IBA57: variants seen among roughly 807,000 people sequenced by gnomAD.
IBA57 encodes the protein iron-sulfur cluster assembly factor IBA57.
A neutral mutation model predicts 20.4 loss-of-function variants in IBA57; 20 were observed. That is an observed-to-expected ratio of 0.98 (90% CI 0.69 to 1.42). IBA57 has a LOEUF of 1.42. Ranked by LOEUF, IBA57 falls within the 40% of genes most tolerant of loss-of-function variation. IBA57 has a pLI of 0.00. For missense variants in IBA57, 608 were observed against 499.3 expected (o/e 1.22, Z -2.07); for synonymous variants, 310 against 233.9 (o/e 1.33, Z -2.97).
At position 228,174,949 on chromosome 1, in the gene IBA57, C is replaced by T. The variant is rs149136930; in HGVS notation, c.599C>T (p.Thr200Ile). ...RTARMGWRLL[T>I]QDEGPALVPG... ...GCACGCATGGGGTGGCGGCTCCTCA[C>T]CCAGGATGAAGGCCCAGCCCTGGTG... The change falls in exon 2 of 3, where the codon ACC (threonine) becomes ATC (isoleucine). Residue 200 changes from threonine (T) to isoleucine (I), a missense_variant. Thr to Ile is a moderately conservative substitution (Grantham distance 89). Coordinates refer to ENST00000366711, the MANE Select transcript of IBA57 (RefSeq NM_001010867.4). The T allele has an allele frequency of 8.5e-4, 1,341 of 1,573,212 alleles. 2 individuals carry two copies. The highest frequency in any genetic ancestry group is 1.1e-3 in the Non-Finnish European group (1,261 of 1,156,412).
In IBA57 at chr1:228,175,433, C is replaced by G. The variant is rs761470174; in HGVS notation, c.991C>G (p.Leu331Val). ...LLWSEKIKGP[L>V]HIRASEGAQV... ...GTGGTCAGAGAAGATCAAGGGTCCT[C>G]TGCACATCAGAGCCTCTGAGGGTGC... The change falls in exon 3 of 3, where the codon CTG becomes GTG. Residue 331 changes from leucine (L) to valine (V), a missense_variant. Coordinates refer to ENST00000366711, the MANE Select transcript of IBA57 (RefSeq NM_001010867.4). The G allele has an allele frequency of 6.2e-7, 1 of 1,612,216 alleles. No homozygotes were observed. The highest frequency in any genetic ancestry group is 8.5e-7 in the Non-Finnish European group (1 of 1,179,628).
Position 228,175,611 on chromosome 1 carries a change from A to G in IBA57, c.*98A>G, listed in dbSNP as rs887125341. The G allele has an allele frequency of 7.1e-7, 1 of 1,411,612 alleles. No homozygotes were observed. Among genetic ancestry groups the G allele is most frequent in the Non-Finnish European group, 9.4e-7 (1 of 1,065,480 alleles). The allele number at this position is 1,411,612 out of a possible 1,614,324, so 87.4% of individuals were successfully genotyped here. ...CCCGTCCCATCTGTCTGCTGCGCCTACTGGGTGGGAGCCCTGGTTTCCATC... is the reference window on the plus strand; with the variant it reads ...CCCGTCCCATCTGTCTGCTGCGCCTGCTGGGTGGGAGCCCTGGTTTCCATC... On this transcript the variant is annotated 3_prime_UTR_variant, in exon 3 of 3. Coordinates refer to ENST00000366711, the MANE Select transcript of IBA57 (RefSeq NM_001010867.4).
In IBA57 at chr1:228,180,380, C is replaced by T. The variant is rs2035090714; in HGVS notation, c.*4867C>T. On this transcript the variant is annotated 3_prime_UTR_variant, in exon 3 of 3. Transcript: ENST00000366711. Reference sequence around the variant, plus strand: ...AAAACACCACATCTAGAAGCTTCTACTTAGAATGCCTACTTTTGGAGTTTA... The same window carrying T: ...AAAACACCACATCTAGAAGCTTCTATTTAGAATGCCTACTTTTGGAGTTTA... The T allele has an allele frequency of 6.6e-6, 1 of 151,964 alleles. No homozygotes were observed. Among genetic ancestry groups the T allele is most frequent in the Non-Finnish European group, 1.5e-5 (1 of 67,996 alleles). The allele number at this position is 151,964 out of a possible 1,614,324, so 9.4% of individuals were successfully genotyped here. A position where few individuals can be genotyped will look rare whatever the true frequency, so the allele number is the denominator to read the frequency against.
chr1:228,176,421 G>A lies in IBA57; in HGVS notation c.*908G>A. ...TCTGGTTTCATTTGGGGGAGAGGGA[G>A]GTGGGGGCTTAGTTTTTGTGATCTG... On this transcript the variant is annotated 3_prime_UTR_variant, in exon 3 of 3. Transcript: ENST00000366711. 6.5e-6 allele frequency: 1 copy of A among 153,358 alleles called. No homozygotes were observed. The highest frequency in any genetic ancestry group is 1.5e-5 in the Non-Finnish European group (1 of 68,880). 9.5% of individuals were successfully genotyped at this position (153,358 alleles called of 1,614,324 possible). A position where few individuals can be genotyped will look rare whatever the true frequency, so the allele number is the denominator to read the frequency against.
Position 228,174,928 on chromosome 1 carries a change from G to A in IBA57, c.578G>A (p.Arg193His). 1.4e-5 allele frequency: 22 copies of A among 1,586,400 alleles called. No individual in the cohort carries two copies. The highest frequency in any genetic ancestry group is 1.9e-5 in the Non-Finnish European group (22 of 1,163,636). Reference sequence around the variant, plus strand: ...CTCATCCGCGACCCGCGAACAGCACGCATGGGGTGGCGGCTCCTCACCCAG... The same window carrying A: ...CTCATCCGCGACCCGCGAACAGCACACATGGGGTGGCGGCTCCTCACCCAG... ...AILIRDPRTARMGWRLLTQDE... is the reference protein window; with the variant it reads ...AILIRDPRTAHMGWRLLTQDE... Residue 193 changes from arginine to histidine, a missense_variant, in exon 2 of 3, where the codon CGC (arginine) becomes CAC (histidine). Arg to His is a conservative substitution (Grantham distance 29). Transcript: ENST00000366711.
rs2035008283 is a variant in IBA57 at position 228,175,714 on chromosome 1, C to T, written c.*201C>T. On this transcript the variant is annotated 3_prime_UTR_variant, in exon 3 of 3. Coordinates refer to ENST00000366711, the MANE Select transcript of IBA57 (RefSeq NM_001010867.4). Reference sequence around the variant, plus strand: ...CCCCAGGCACGTGGGTTGTTTTCTCCCTGGACTTCCTGTGGCCCCAGAGGA... The same window carrying T: ...CCCCAGGCACGTGGGTTGTTTTCTCTCTGGACTTCCTGTGGCCCCAGAGGA... 3.6e-6 allele frequency: 2 copies of T among 556,486 alleles called. No homozygotes were observed. Among genetic ancestry groups the T allele is most frequent in the Non-Finnish European group, 6.0e-6 (2 of 330,966 alleles). 34.5% of individuals were successfully genotyped at this position (556,486 alleles called of 1,614,324 possible).
In IBA57 at chr1:228,169,038, G is replaced by T. The variant is rs2034890287; in HGVS notation, c.341+2881G>T. On this transcript the variant is annotated intron_variant, in intron 1 of 2. Transcript: ENST00000366711. ...CCCCTCCCAGCTATGTGGCATGGGT[G>T]GGCTTAGGGCTGCGCTCGTTGGGCA... Among the ~76,000 whole-genome samples, 3 of 152,256 alleles carry T rather than the reference G, an allele frequency of 2.0e-5. No homozygotes were observed. The South Asian group carries it at 6.2e-4, about 32-fold the overall frequency.
At chr1:228,175,095 C>G in intron 2 of IBA57, 27 bp from the exon 3 acceptor site, 1 of 1,598,032 alleles carries the variant, frequency 6.3e-7, no homozygotes, top group East Asian at 2.2e-5. Flanking sequence ...TCAATTCTCG[C>G]TGGTTTCCCC....
Position 228,178,116 on chromosome 1 carries a change from C to G in IBA57, c.*2603C>G. ...TCTTACCCTCACACCTCCTGCCTCC[C>G]CTCGTTAGAGTCCCCCACATCCGCC... On this transcript the variant is annotated 3_prime_UTR_variant, in exon 3 of 3. Transcript: ENST00000366711. 6.6e-6 allele frequency: 1 copy of G among 152,200 alleles called. No individual in the cohort carries two copies. The allele number at this position is 152,200 out of a possible 1,614,324, so 9.4% of individuals were successfully genotyped here. A position where few individuals can be genotyped will look rare whatever the true frequency, so the allele number is the denominator to read the frequency against.
Position 228,174,819 on chromosome 1 carries a change from C to A in IBA57, c.469C>A (p.Leu157Met). The change falls in exon 2 of 3, where the codon CTG becomes ATG. Residue 157 changes from leucine (L) to methionine (M), a missense_variant. Physicochemically the swap from Leu to Met is conservative, Grantham distance 15. Coordinates refer to ENST00000366711, the MANE Select transcript of IBA57 (RefSeq NM_001010867.4). ...RKVTVEPHPE[L>M]RVWAVLPSSP... ...GGTCACGGTGGAGCCGCACCCGGAG[C>A]TGCGAGTGTGGGCGGTGTTGCCCAG... The A allele has an allele frequency of 3.7e-6, 6 of 1,610,646 alleles. No homozygotes were observed. Among genetic ancestry groups the A allele is most frequent in the Non-Finnish European group, 5.1e-6 (6 of 1,179,298 alleles).
In IBA57 at chr1:228,175,379, G is replaced by T; in HGVS notation, c.937G>T (p.Gly313Cys). The T allele has an allele frequency of 6.2e-7, 1 of 1,612,976 alleles. No homozygotes were observed. The highest frequency in any genetic ancestry group is 2.2e-5 in the East Asian group (1 of 44,886). Residue 313 changes from glycine to cysteine, a missense_variant, in exon 3 of 3, where the codon GGC (glycine) becomes TGC (cysteine). Gly to Cys is a radical substitution (Grantham distance 159). Coordinates refer to ENST00000366711, the MANE Select transcript of IBA57 (RefSeq NM_001010867.4). Reference sequence around the variant, plus strand: ...ACAGACTGTGGGCAAGTTCAGGGCTGGCCAGGGCAACGTGGGGCTGGCCCT... The same window carrying T: ...ACAGACTGTGGGCAAGTTCAGGGCTTGCCAGGGCAACGTGGGGCTGGCCCT... ...SGQTVGKFRA[G>C]QGNVGLALLW...
Position 228,166,062 on chromosome 1 carries a change from T to TCCTGCGGCCGCGGGGGCCCCG in IBA57, c.252_272dup (p.Ala86_Ala92dup). 1 of 1,537,598 alleles carries TCCTGCGGCCGCGGGGGCCCCG rather than the reference T, an allele frequency of 6.5e-7. No individual in the cohort carries two copies. The highest frequency in any genetic ancestry group is 1.4e-5 in the African/African-American group (1 of 71,886). On this transcript the variant is annotated inframe_insertion, in exon 1 of 3. Transcript: ENST00000366711. ...TGACCAATGAACTGCCGCTTCCGAG[T>TCCTGCGGCCGCGGGGGCCCCG]CCTGCGGCCGCGGGGGCCCCGCCTG...
chr1:228,174,995 C>A lies in IBA57; in HGVS notation c.645C>A (p.Asp215Glu). ...PALVPGGRLGDLWDYHQHRYL... is the reference protein window; with the variant it reads ...PALVPGGRLGELWDYHQHRYL... ...TGGTGCCCGGGGGCCGGCTCGGGGACTTGTGGGATTATCACCAGCACCGAT... is the reference window on the plus strand; with the variant it reads ...TGGTGCCCGGGGGCCGGCTCGGGGAATTGTGGGATTATCACCAGCACCGAT... Residue 215 changes from aspartate to glutamate, a missense_variant, in exon 2 of 3, where the codon GAC (aspartate) becomes GAA (glutamate). By Grantham distance (45) the Asp-to-Glu change is conservative. Coordinates refer to ENST00000366711, the MANE Select transcript of IBA57 (RefSeq NM_001010867.4). 6.5e-7 allele frequency: 1 copy of A among 1,549,230 alleles called. No individual in the cohort carries two copies. Among genetic ancestry groups the A allele is most frequent in the South Asian group, 1.2e-5 (1 of 81,588 alleles).
At chr1:228,169,880 T>A (rs2034899853) in intron 1 of IBA57, among the ~76,000 whole-genome samples, 2 of 152,212 alleles carry the variant, frequency 1.3e-5, no homozygotes, top group African/African-American at 4.8e-5. Flanking sequence ...AATTTCTTTT[T>A]TTTTTAGACA....
rs1228223248 is a variant in IBA57, at chr1:228,178,237, AAC to A, written c.*2728_*2729del. ...TGTCTGTTTCTGAGCTGTTTTACTT[AAC>A]ACAGTGTATATGGTGCATCTTTAGG... is the stretch of plus-strand genomic sequence containing the variant. On this transcript the variant is annotated 3_prime_UTR_variant, in exon 3 of 3. Coordinates refer to ENST00000366711, the MANE Select transcript of IBA57 (RefSeq NM_001010867.4). 1 of 152,196 alleles carries A rather than the reference AAC, an allele frequency of 6.6e-6. No homozygotes were observed. Among genetic ancestry groups the A allele is most frequent in the Non-Finnish European group, 1.5e-5 (1 of 68,052 alleles). The allele number at this position is 152,196 out of a possible 1,614,324, so 9.4% of individuals were successfully genotyped here.
intron 1 of IBA57, among the ~76,000 whole-genome samples, chr1:228,166,422 G>A (rs2034854520): frequency 6.6e-6 from 1 of 152,198 alleles, no homozygotes; most frequent in Admixed American, 6.5e-5. Context: ...ACCCAGAGGA[G>A]GGCTTGGCTC....
chr1:228,179,031 G>T lies in IBA57; in HGVS notation c.*3518G>T, dbSNP rs1054183024. 3 of 152,142 alleles carry T rather than the reference G, an allele frequency of 2.0e-5. No individual in the cohort carries two copies. Among genetic ancestry groups the T allele is most frequent in the Admixed American group, 1.3e-4 (2 of 15,280 alleles). The allele number at this position is 152,142 out of a possible 1,614,324, so 9.4% of individuals were successfully genotyped here. Reference sequence around the variant, plus strand: ...TGCGGAGGCGCGCACACCCAGCTGGGCCCTTATCTGTAAGGACTGGCTGGC... The same window carrying T: ...TGCGGAGGCGCGCACACCCAGCTGGTCCCTTATCTGTAAGGACTGGCTGGC... On this transcript the variant is annotated 3_prime_UTR_variant, in exon 3 of 3. Transcript: ENST00000366711.
intron 1 of IBA57, among the ~76,000 whole-genome samples, chr1:228,169,326 C>T (rs1231807348): frequency 2.0e-5 from 3 of 152,186 alleles, no homozygotes; most frequent in Admixed American, 1.3e-4. Context: ...CCTGAGCCAT[C>T]GCTTCCTTAA....
chr1:228,170,245 G>C lies in IBA57; in HGVS notation c.341+4088G>C, dbSNP rs1431789231. ...TTTATTTGTCCACTCATCTACTGAG[G>C]GACATATTGGTTGCTTCCAAGTTTT... On this transcript the variant is annotated intron_variant, in intron 1 of 2. Transcript: ENST00000366711. This position sits in a 1 kb window ranked among gnomAD's most constrained non-coding sequence, Gnocchi z 4.8. Among the ~76,000 whole-genome samples the C allele has an allele frequency of 2.0e-5, 3 of 152,212 alleles. No individual in the cohort carries two copies. The highest frequency in any genetic ancestry group is 7.2e-5 in the African/African-American group (3 of 41,446).
Sources: gnomAD v4.1 joint callset for allele counts (sites outside exome capture counted in the v4.1 genomes callset) on GRCh38, gnomAD v4.1.1 for gene constraint, Gnocchi (gnomAD v3.1) non-coding constraint, MANE v1.5 for transcripts, NCBI Gene and HGNC (gene_info 2026-07-23, HGNC 2026-07-21) for gene names.